DNM1L: variants seen among roughly 807,000 people sequenced by gnomAD.
DNM1L encodes dynamin 1L.
In DNM1L, 33 loss-of-function variants were observed where a neutral mutation model predicts 92.8. The ratio of observed to expected loss-of-function variants is 0.36; its 90% CI spans 0.27 to 0.48. The LOEUF is 0.48. DNM1L is among the 20% of genes least tolerant of loss of function. The pLI is 0.99. For synonymous variants in DNM1L, 284 were observed against 305.0 expected, an observed-to-expected ratio of 0.93 and a Z score of 0.72; for missense variants, 485 against 888.8, an observed-to-expected ratio of 0.55 and a Z score of 5.78.
chr12:32,727,344 C>G, intron 9 of DNM1L: 2 of 796,264 alleles, frequency 2.5e-6, no homozygotes, highest in Non-Finnish European at 4.6e-6. Flanking sequence ...TTTAACTACC[C>G]TAGCTAGGCA....
chr12:32,743,525 G>T lies in DNM1L; in HGVS notation c.*115G>T. 1 of 973,982 alleles carries T rather than the reference G, an allele frequency of 1.0e-6. No individual in the cohort carries two copies. The highest frequency in any genetic ancestry group is 2.0e-5 in the Admixed American group (1 of 49,808). The allele number at this position is 973,982 out of a possible 1,614,324, so 60.3% of individuals were successfully genotyped here. A position where few individuals can be genotyped will look rare whatever the true frequency, so the allele number is the denominator to read the frequency against. ...ATTGCAATGGTATGAATCTGCTCAT[G>T]TGGAGACTGGCTATAAACTGAAAAG... On this transcript the variant is annotated 3_prime_UTR_variant, in exon 20 of 20. Transcript: ENST00000549701.
chr12:32,726,104 G>C (rs1954123370), intron 9 of DNM1L, among the ~76,000 whole-genome samples: 1 of 148,058 alleles, frequency 6.8e-6, no homozygotes, highest in Non-Finnish European at 1.5e-5. Flanking sequence ...AATTTTCATA[G>C]CTGTACTCCA....
intron 4 of DNM1L, among the ~76,000 whole-genome samples, chr12:32,709,169 T>C (rs1311302419): frequency 6.6e-6 from 1 of 152,190 alleles, no homozygotes; most frequent in Non-Finnish European, 1.5e-5. Context: ...CTGGTTACCT[T>C]TGAGCTACTG....
At chr12:32,702,527 C>T (rs959659420) in intron 2 of DNM1L, among the ~76,000 whole-genome samples, 3 of 152,136 alleles carry the variant, frequency 2.0e-5, no homozygotes, top group African/African-American at 7.2e-5. Context: ...AGTACCATAT[C>T]TGTTTCTTAT....
At chr12:32,720,923 T>G (rs188428549) in intron 8 of DNM1L, 128 bp downstream of exon 8, 1 of 1,219,012 alleles carries the variant, frequency 8.2e-7, no homozygotes, top group African/African-American at 1.5e-5. Flanking sequence ...TCTTATATAG[T>G]AGGTTCCTGA....
chr12:32,715,699 T>A (rs1347831879), intron 6 of DNM1L, among the ~76,000 whole-genome samples: 1 of 152,064 alleles, frequency 6.6e-6, no homozygotes, highest in Non-Finnish European at 1.5e-5. Context: ...GCCACTGCAT[T>A]TCAGCCTGGA....
At chr12:32,710,458 A>G (rs1953081632) in intron 4 of DNM1L, among the ~76,000 whole-genome samples, 2 of 152,206 alleles carry the variant, frequency 1.3e-5, no homozygotes, top group African/African-American at 2.4e-5. Context: ...TCTACAAAAT[A>G]TAAACAAGAA....
chr12:32,700,936 T>A (rs1952674471), intron 1 of DNM1L, among the ~76,000 whole-genome samples: 1 of 152,134 alleles, frequency 6.6e-6, no homozygotes, highest in South Asian at 2.1e-4. Context: ...TGGTTTTGGC[T>A]TAAAAACAAA....
intron 6 of DNM1L, among the ~76,000 whole-genome samples, chr12:32,717,514 G>C (rs188669639): frequency 0.017 from 1,843 of 107,982 alleles, 104 homozygotes; most frequent in African/African-American, 0.066. Flanking sequence ...TATTTTAGAC[G>C]GAGTCCTGCT....
At chr12:32,718,526 GAGGTAATACTA>G (rs1178714877) in intron 6 of DNM1L, 106 bp from the exon 7 acceptor site, 1 of 1,251,560 alleles carries the variant, frequency 8.0e-7, no homozygotes, top group Non-Finnish European at 1.2e-6. Flanking sequence ...AATGATGACA[GAGGTAATACTA>G]AGTGGGATTG....
chr12:32,740,620 C>T, intron 18 of DNM1L, 102 bp downstream of exon 18: 1 of 1,095,062 alleles, frequency 9.1e-7, no homozygotes, highest in African/African-American at 1.6e-5. Context: ...GGTTTTTATT[C>T]TAAATCATCA....
At chr12:32,711,230 A>C in intron 5 of DNM1L, 1 of 510,246 alleles carries the variant, frequency 2.0e-6, no homozygotes, top group South Asian at 2.2e-5. Context: ...ACTCCTTTTC[A>C]GTCTCTTTTG....
chr12:32,733,762 T>C lies in DNM1L; in HGVS notation c.1494T>C (p.His498=). The change falls in exon 13 of 20, where the codon CAT becomes CAC. Residue 498 remains histidine, a synonymous_variant. Coordinates refer to ENST00000549701, the MANE Select transcript of DNM1L (RefSeq NM_012062.5). ...AIELAYINTK[H]PDFADACGLM... ...AACTGGCTTATATCAACACAAAACA[T>C]CCAGACTTTGCTGATGCTTGTGGGC... The C allele has an allele frequency of 3.1e-6, 5 of 1,614,016 alleles. No individual in the cohort carries two copies. The South Asian group carries it at 3.3e-5, about 11-fold the overall frequency.
chr12:32,726,631 C>G, intron 9 of DNM1L: 1 of 868,832 alleles, frequency 1.2e-6, no homozygotes, highest in Non-Finnish European at 1.9e-6. Flanking sequence ...TCTCCACTCT[C>G]AGGAACTTCA....
chr12:32,711,095 T>C (rs1389236909), intron 5 of DNM1L, 80 bp downstream of exon 5: 2 of 1,207,612 alleles, frequency 1.7e-6, no homozygotes, highest in Non-Finnish European at 2.5e-6. Context: ...CAGCTTCTTT[T>C]TGCAATCACT....
At chr12:32,703,824 A>G (rs968409270) in intron 2 of DNM1L, among the ~76,000 whole-genome samples, 2 of 152,212 alleles carry the variant, frequency 1.3e-5, no homozygotes, top group Admixed American at 6.5e-5. Context: ...TTTAATATGT[A>G]TAATTCAATC....
In DNM1L at chr12:32,738,141, T is replaced by C. The variant is rs1368372712; in HGVS notation, c.1675-123T>C. 93 of 1,214,210 alleles carry C rather than the reference T, an allele frequency of 7.7e-5. No homozygotes were observed. In the East Asian group the frequency reaches 2.2e-3, roughly 29 times the overall value. The allele number at this position is 1,214,210 out of a possible 1,614,324, so 75.2% of individuals were successfully genotyped here. Reference sequence around the variant, plus strand: ...ATTGTTGACATGCTTTTGCTTGCAATATAGAAGATGCACACAGAAAAAGTA... The same window carrying C: ...ATTGTTGACATGCTTTTGCTTGCAACATAGAAGATGCACACAGAAAAAGTA... On this transcript the variant is annotated intron_variant, in intron 15 of 19. Coordinates refer to ENST00000549701, the MANE Select transcript of DNM1L (RefSeq NM_012062.5).
intron 6 of DNM1L, among the ~76,000 whole-genome samples, chr12:32,717,369 T>C (rs1405795643): frequency 1.2e-5 from 1 of 81,250 alleles, no homozygotes; most frequent in African/African-American, 5.2e-5. Context: ...ATATATAATA[T>C]ATATACTATA....
rs147196510 is a variant in DNM1L at position 32,696,468 on chromosome 12, G to A, written c.103-4947G>A. Among the ~76,000 whole-genome samples the A allele has an allele frequency of 4.5e-3, 676 of 151,854 alleles. 6 individuals carry two copies. Among genetic ancestry groups the A allele is most frequent in the African/African-American group, 0.015 (638 of 41,376 alleles). ...CATGCATGCACACGCTGGGTGTGGT[G>A]GTGTGAGCTTGTAGTCCAAGTTACT... is the stretch of plus-strand genomic sequence containing the variant. On this transcript the variant is annotated intron_variant, in intron 1 of 19. Coordinates refer to ENST00000549701, the MANE Select transcript of DNM1L (RefSeq NM_012062.5).
Sources: gnomAD v4.1 joint callset for allele counts (sites outside exome capture counted in the v4.1 genomes callset) on GRCh38, gnomAD v4.1.1 for gene constraint, MANE v1.5 for transcripts, NCBI Gene and HGNC (gene_info 2026-07-23, HGNC 2026-07-21) for gene names.